Variants in BCR observed in about 807,000 individuals in gnomAD.
BCR encodes the protein breakpoint cluster region protein.
Under a neutral mutation model 138.6 loss-of-function variants are expected in BCR, and 58 were observed. The observed-to-expected ratio is 0.42, with a 90% CI of 0.34 to 0.52. The LOEUF (loss-of-function observed/expected upper bound fraction) is 0.52, where lower values mean the gene tolerates loss of function less well. Among genes scored for constraint, BCR ranks in the 20% least tolerant of loss-of-function variants. BCR has a pLI of 0.06. For missense variants in BCR, 1,599 were observed against 1,727.2 expected (o/e 0.93, Z 1.32); for synonymous variants, 786 against 730.1 (o/e 1.08, Z -1.23).
intron 1 of BCR, among the ~76,000 whole-genome samples, chr22:23,209,886 C>T (rs9608086): frequency 0.6 from 91,117 of 152,044 alleles, 27,956 homozygotes; most frequent in African/African-American, 0.73. Context: ...TGCCTTAGCC[C>T]CCTGAGTAAC....
At chr22:23,217,368 G>A (rs2072767420) in intron 1 of BCR, among the ~76,000 whole-genome samples, 1 of 152,240 alleles carries the variant, frequency 6.6e-6, no homozygotes, top group Non-Finnish European at 1.5e-5. Context: ...TCGGGAAGAA[G>A]ACATCCAGAG....
intron 8 of BCR, among the ~76,000 whole-genome samples, chr22:23,276,214 A>T (rs2073574035): frequency 6.6e-6 from 1 of 152,076 alleles, no homozygotes; most frequent in Admixed American, 6.6e-5. Flanking sequence ...CCTGGCTAAC[A>T]CGATAAAACC....
intron 1 of BCR, among the ~76,000 whole-genome samples, chr22:23,248,014 A>G (rs569228867): frequency 6.6e-6 from 1 of 152,206 alleles, no homozygotes; most frequent in East Asian, 1.9e-4. Context: ...TGTGATGAAT[A>G]TGGGTGTGCA....
rs767818006 is a variant in BCR, at chr22:23,314,552, G to A, written c.3564G>A (p.Arg1188=). ...TFLFLLDHLK[R]VAEKEAVNKM... is the part of the protein sequence containing the mutation. ...CACCCGCTGCTTTGGTCCTCTACAG[G>A]GTGGCAGAGAAGGAGGCAGTCAATA... The change falls in exon 22 of 23, where the codon AGG becomes AGA. Residue 1188 remains arginine (R), a splice_region_variant and synonymous_variant. Transcript: ENST00000305877. The A allele has an allele frequency of 1.2e-6, 2 of 1,611,910 alleles. No homozygotes were observed. Among genetic ancestry groups the A allele is most frequent in the African/African-American group, 1.3e-5 (1 of 74,950 alleles).
intron 1 of BCR, among the ~76,000 whole-genome samples, chr22:23,233,471 C>A (rs1028571870): frequency 6.6e-6 from 1 of 152,118 alleles, no homozygotes; most frequent in Non-Finnish European, 1.5e-5. Context: ...ACGTGGTGCA[C>A]GCCTGGCCCT....
chr22:23,310,227 G>T (rs2073992428), intron 17 of BCR, 97 bp from the exon 18 acceptor site: 3 of 600,292 alleles, frequency 5.0e-6, no homozygotes, highest in Admixed American at 4.6e-5. Flanking sequence ...CATGCCTTGG[G>T]GGTGGAAATA....
chr22:23,197,983 CAG>C (rs2072502730), intron 1 of BCR, among the ~76,000 whole-genome samples: 1 of 152,058 alleles, frequency 6.6e-6, no homozygotes, highest in Admixed American at 6.5e-5. Context: ...AGAGGAAGGA[CAG>C]AAGCGTGGGT....
chr22:23,252,437 T>C (rs1160490491), intron 1 of BCR, among the ~76,000 whole-genome samples: 1 of 143,960 alleles, frequency 6.9e-6, no homozygotes, highest in Non-Finnish European at 1.5e-5. Flanking sequence ...CTTTTCTTTT[T>C]TTTTTTTTTT....
rs1400898373 is a variant in BCR at position 23,315,467 on chromosome 22, C to T, written c.3761C>T (p.Ala1254Val). 6.2e-7 allele frequency: 1 copy of T among 1,613,214 alleles called. No homozygotes were observed. Among genetic ancestry groups the T allele is most frequent in the East Asian group, 2.2e-5 (1 of 44,870 alleles). ...QVLLYFLQLE[A>V]IPAPDSKRQS... is the part of the protein sequence containing the mutation. The stretch of plus-strand genomic sequence containing the variant: ...CTGCTGTACTTCCTGCAGCTGGAGG[C>T]CATCCCTGCCCCGGACAGCAAGAGA... The change falls in exon 23 of 23, where the codon GCC becomes GTC. Residue 1254 changes from alanine to valine, a missense_variant. Ala to Val is a moderately conservative substitution (Grantham distance 64). Around this residue, in one of 4 missense-constraint regions of BCR, gnomAD observed 177 missense variants for 226.4 expected, o/e 0.78. Coordinates refer to ENST00000305877, the MANE Select transcript of BCR (RefSeq NM_004327.4).
At chr22:23,253,086 T>A (rs1256079584) in intron 1 of BCR, among the ~76,000 whole-genome samples, 1 of 151,938 alleles carries the variant, frequency 6.6e-6, no homozygotes, top group Non-Finnish European at 1.5e-5. Flanking sequence ...CTCAGGAAAA[T>A]AACTTACTAG....
chr22:23,274,050 A>G (rs544689649), intron 8 of BCR, among the ~76,000 whole-genome samples: 1 of 149,938 alleles, frequency 6.7e-6, no homozygotes, highest in Admixed American at 6.6e-5. Flanking sequence ...GTGTCCAGGG[A>G]CCCCTTTTTT....
chr22:23,204,597 T>G (rs2072590805), intron 1 of BCR, among the ~76,000 whole-genome samples: 2 of 152,242 alleles, frequency 1.3e-5, no homozygotes, highest in Admixed American at 1.3e-4. Flanking sequence ...TAATGTGGAT[T>G]GGGGTGGATT....
chr22:23,260,442 G>A (rs2073343375), intron 2 of BCR, among the ~76,000 whole-genome samples: 1 of 152,202 alleles, frequency 6.6e-6, no homozygotes, highest in South Asian at 2.1e-4. Context: ...AGAAGGCGGT[G>A]CTGCCTGGGC....
intron 16 of BCR, among the ~76,000 whole-genome samples, chr22:23,299,921 C>G (rs185388544): frequency 3.3e-5 from 5 of 152,102 alleles, no homozygotes; most frequent in Non-Finnish European, 7.4e-5. Context: ...TCGGGGAGTT[C>G]AGAGTTTGGA....
At chr22:23,210,345 A>G (rs1292357968) in intron 1 of BCR, among the ~76,000 whole-genome samples, 1 of 151,106 alleles carries the variant, frequency 6.6e-6, no homozygotes, top group African/African-American at 2.4e-5. Context: ...TGAGCCCGGG[A>G]GGTCGAGGTT....
At chr22:23,205,091 G>A (rs898649224) in intron 1 of BCR, among the ~76,000 whole-genome samples, 9 of 152,214 alleles carry the variant, frequency 5.9e-5, no homozygotes, top group African/African-American at 2.2e-4. Context: ...CCAGCCTTTT[G>A]CAGGCCCCAC....
intron 8 of BCR, among the ~76,000 whole-genome samples, chr22:23,277,215 A>G (rs2073588070): frequency 6.6e-6 from 1 of 152,240 alleles, no homozygotes. Flanking sequence ...GTGCCTCTGC[A>G]TTCTCATGAC....
intron 1 of BCR, among the ~76,000 whole-genome samples, chr22:23,243,325 T>C (rs1456841602): frequency 6.6e-6 from 1 of 151,660 alleles, no homozygotes; most frequent in Non-Finnish European, 1.5e-5. Context: ...GGGAGAGGGG[T>C]GGAGATTGAA....
chr22:23,258,144 G>A (rs148168424), intron 2 of BCR, among the ~76,000 whole-genome samples: 1 of 152,274 alleles, frequency 6.6e-6, no homozygotes, highest in Admixed American at 6.5e-5. Flanking sequence ...ATGTACGTGT[G>A]TATAAATGCA....
Sources: allele counts gnomAD v4.1 joint callset (sites outside exome capture counted in the v4.1 genomes callset), GRCh38; gene constraint gnomAD v4.1.1; regional missense constraint gnomAD v4.1.1; transcripts MANE v1.5; gene names NCBI Gene and HGNC (gene_info 2026-07-23, HGNC 2026-07-21).